Variants in TMEM131 observed in about 807,000 individuals in gnomAD.
The protein encoded by TMEM131 is transmembrane protein 131.
Under a neutral mutation model 211.6 loss-of-function variants are expected in TMEM131, and 66 were observed. The observed-to-expected ratio is 0.31, with a 90% CI of 0.26 to 0.38. The LOEUF is 0.38. Among genes scored for constraint, TMEM131 ranks in the 10% least tolerant of loss-of-function variants. The pLI is 1.00. For missense variants in TMEM131, 2,036 were observed against 2,299.3 expected (o/e 0.89, Z 2.34); for synonymous variants, 844 against 841.3 (o/e 1.00, Z -0.06).
chr2:97,913,891 A>C (rs1676395514), intron 2 of TMEM131, among the ~76,000 whole-genome samples: 1 of 152,150 alleles, frequency 6.6e-6, no homozygotes, highest in Non-Finnish European at 1.5e-5. Flanking sequence ...TTCCCCAGGG[A>C]TATACCTGGG....
intron 1 of TMEM131, among the ~76,000 whole-genome samples, chr2:97,983,770 T>C (rs182225403): frequency 6.6e-6 from 1 of 152,328 alleles, no homozygotes; most frequent in East Asian, 1.9e-4. Context: ...CATTTCTATG[T>C]TCGTCCCTTC....
intron 5 of TMEM131, among the ~76,000 whole-genome samples, chr2:97,849,943 C>A (rs1673542442): frequency 6.6e-6 from 1 of 151,898 alleles, no homozygotes; most frequent in Non-Finnish European, 1.5e-5. Flanking sequence ...GATAATATCA[C>A]TGAGTTCAGG....
intron 24 of TMEM131, 120 bp from the exon 25 acceptor site, chr2:97,802,081 A>G (rs778978914): frequency 8.2e-6 from 5 of 612,856 alleles, no homozygotes; most frequent in African/African-American, 1.9e-5. Flanking sequence ...TTTGAGATCA[A>G]TATGACCAGA....
chr2:97,908,926 G>T (rs1025612908), intron 2 of TMEM131, among the ~76,000 whole-genome samples: 1 of 152,110 alleles, frequency 6.6e-6, no homozygotes, highest in Non-Finnish European at 1.5e-5. Flanking sequence ...GTGCCAAACC[G>T]ACACATCCTG....
Position 97,759,765 on chromosome 2 carries a change from G to C in TMEM131, c.5109-16C>G. ...CAAACCCGAGCTAAATGTTACAAGA[G>C]GAAAACGCAACACACAAAAATGTAT... On this transcript the variant is annotated splice_polypyrimidine_tract_variant and intron_variant, in intron 38 of 40. Transcript: ENST00000186436. 6.3e-7 allele frequency: 1 copy of C among 1,598,988 alleles called. No individual in the cohort carries two copies. The highest frequency in any genetic ancestry group is 8.5e-7 in the Non-Finnish European group (1 of 1,170,464).
rs548021328 is a variant in TMEM131 at position 97,814,505 on chromosome 2, A to C, written c.1293-117T>G. The C allele has an allele frequency of 2.4e-5, 25 of 1,036,592 alleles. No individual in the cohort carries two copies. The African/African-American group carries it at 3.4e-4, about 14-fold the overall frequency. 64.2% of individuals were successfully genotyped at this position (1,036,592 alleles called of 1,614,324 possible). ...ACATTTAGCATTAGGGATTGTATTA[A>C]AGATTTAGAACTATAATATTTTAGT... On this transcript the variant is annotated intron_variant, in intron 13 of 40. Coordinates refer to ENST00000186436, the MANE Select transcript of TMEM131 (RefSeq NM_015348.2).
At chr2:97,939,894 T>C (rs972977840) in intron 1 of TMEM131, among the ~76,000 whole-genome samples, 1 of 152,068 alleles carries the variant, frequency 6.6e-6, no homozygotes, top group Non-Finnish European at 1.5e-5. Context: ...ACGTAATCCA[T>C]CATATAAACA....
rs773044723 is a variant in TMEM131 at position 97,766,457 on chromosome 2, T to C, written c.4573+21A>G. On this transcript the variant is annotated intron_variant, in intron 34 of 40. Coordinates refer to ENST00000186436, the MANE Select transcript of TMEM131 (RefSeq NM_015348.2). Reference sequence around the variant, plus strand: ...TGAAAAGATCCGTAAGACATGATCATAGAGAACAAGATGACAATACCTTTT... The same window carrying C: ...TGAAAAGATCCGTAAGACATGATCACAGAGAACAAGATGACAATACCTTTT... 5.0e-6 allele frequency: 8 copies of C among 1,613,800 alleles called. No individual in the cohort carries two copies. In the East Asian group the frequency reaches 6.7e-5, roughly 13 times the overall value.
chr2:97,960,856 A>C (rs1377930295), intron 1 of TMEM131, among the ~76,000 whole-genome samples: 1 of 152,102 alleles, frequency 6.6e-6, no homozygotes, highest in Non-Finnish European at 1.5e-5. Flanking sequence ...TAATACCAGA[A>C]AAGCAAGGAT....
At chr2:97,798,902 C>G (rs1680894871) in intron 25 of TMEM131, among the ~76,000 whole-genome samples, 1 of 152,132 alleles carries the variant, frequency 6.6e-6, no homozygotes, top group African/African-American at 2.4e-5. Context: ...CAATGATGTA[C>G]TATACATATA....
chr2:97,972,346 C>T (rs1381185763), intron 1 of TMEM131, among the ~76,000 whole-genome samples: 1 of 151,658 alleles, frequency 6.6e-6, no homozygotes, highest in Non-Finnish European at 1.5e-5. Context: ...AAGCAAGACC[C>T]CCCAGAAACT....
At chr2:97,847,848 G>A (rs1413251556) in intron 5 of TMEM131, among the ~76,000 whole-genome samples, 1 of 151,686 alleles carries the variant, frequency 6.6e-6, no homozygotes, top group Non-Finnish European at 1.5e-5. Context: ...TATATGGAGA[G>A]TATTACTTTT....
At chr2:97,761,185 G>C (rs1260824931) in intron 36 of TMEM131, 2 of 347,010 alleles carry the variant, frequency 5.8e-6, no homozygotes, top group South Asian at 9.2e-5. Context: ...CAGAGGCTTC[G>C]ATCACACTTT....
At chr2:97,815,346 A>C (rs1297643454) in intron 12 of TMEM131, 39 bp from the exon 13 acceptor site, 1 of 1,299,202 alleles carries the variant, frequency 7.7e-7, no homozygotes, top group African/African-American at 1.5e-5. Context: ...GTTACCTTTT[A>C]CTACCAAAGA....
chr2:97,896,433 G>A (rs751919015), intron 3 of TMEM131, among the ~76,000 whole-genome samples: 1 of 152,046 alleles, frequency 6.6e-6, no homozygotes, highest in African/African-American at 2.4e-5. Flanking sequence ...TTTCTGTCTC[G>A]TTGATCTGTC....
In TMEM131 at chr2:97,837,115, G is replaced by A; in HGVS notation, c.766C>T (p.Leu256Phe). 1 of 1,610,858 alleles carries A rather than the reference G, an allele frequency of 6.2e-7. No individual in the cohort carries two copies. Among genetic ancestry groups the A allele is most frequent in the Non-Finnish European group, 8.5e-7 (1 of 1,178,770 alleles). ...GTACCTCCTTGTTGACCCGTTGGGA[G>A]TTCTAGGTGAAGGTCTCCTCCACTA... ...YSSGGDLHLE[L>F]PTGQQGGTRK... is the part of the protein sequence containing the mutation. Residue 256 changes from leucine to phenylalanine, a missense_variant, in exon 8 of 41, where the codon CTC becomes TTC. Coordinates refer to ENST00000186436, the MANE Select transcript of TMEM131 (RefSeq NM_015348.2).
chr2:97,848,699 C>A (rs1683562442), intron 5 of TMEM131, among the ~76,000 whole-genome samples: 1 of 151,650 alleles, frequency 6.6e-6, no homozygotes, highest in South Asian at 2.1e-4. Flanking sequence ...TACACAGGGC[C>A]AGCTGTACTT....
In TMEM131 at chr2:97,919,995, T is replaced by C. The variant is rs1374774874; in HGVS notation, c.249+7431A>G. Among the ~76,000 whole-genome samples the C allele has an allele frequency of 5.3e-5, 8 of 152,356 alleles. No homozygotes were observed. In the South Asian group the frequency reaches 1.7e-3, roughly 32 times the overall value. On this transcript the variant is annotated intron_variant, in intron 2 of 40. Coordinates refer to ENST00000186436, the MANE Select transcript of TMEM131 (RefSeq NM_015348.2). The stretch of plus-strand genomic sequence containing the variant: ...CACCTATGTACTCTGGGATCAACTG[T>C]GGCATTTGAGGTAAGGCCACGTTCT...
At position 97,812,658 on chromosome 2, in the gene TMEM131, A is replaced by C. The variant is rs1362638579; in HGVS notation, c.1709T>G (p.Ile570Arg). Residue 570 changes from isoleucine (I) to arginine (R), a missense_variant, in exon 16 of 41, where the codon ATA becomes AGA. Coordinates refer to ENST00000186436, the MANE Select transcript of TMEM131 (RefSeq NM_015348.2). ...TEASNILFAI[I>R]NSNPIELAIK... ...TTTTACCTCAATTGGATTGCTGTTT[A>C]TAATTGCAAATAAAATATTACTTGC... 6.3e-7 allele frequency: 1 copy of C among 1,593,416 alleles called. No homozygotes were observed. The highest frequency in any genetic ancestry group is 8.5e-7 in the Non-Finnish European group (1 of 1,173,430).
Sources: gnomAD v4.1 joint callset for allele counts (sites outside exome capture counted in the v4.1 genomes callset) on GRCh38, gnomAD v4.1.1 for gene constraint, MANE v1.5 for transcripts, NCBI Gene and HGNC (gene_info 2026-07-23, HGNC 2026-07-21) for gene names.